The following GALNT17 variants were observed in gnomAD, a reference collection of about 807,000 sequenced individuals.
The protein encoded by GALNT17 is polypeptide N-acetylgalactosaminyltransferase 17, also known as UDP-GalNAc:polypeptide N-acetylgalactosaminyltransferase-like 3.
In GALNT17, 29 loss-of-function variants were observed where a neutral mutation model predicts 63.7. The observed-to-expected ratio is 0.46, with a 90% CI of 0.34 to 0.62. GALNT17 has a LOEUF of 0.62. Among genes scored for constraint, GALNT17 ranks in the 20% least tolerant of loss-of-function variants. The pLI is 0.01. For synonymous variants in GALNT17, 305 were observed against 318.3 expected (o/e 0.96, Z 0.45); for missense variants, 603 against 799.6 (o/e 0.75, Z 2.97).
At chr7:71,196,340 A>G (rs930618123) in intron 1 of GALNT17, among the ~76,000 whole-genome samples, 2 of 152,120 alleles carry the variant, frequency 1.3e-5, no homozygotes, top group Admixed American at 1.3e-4. Flanking sequence ...GGACTTCATC[A>G]TGTTGACCAT....
chr7:71,334,124 A>T (rs1205913160), intron 1 of GALNT17, among the ~76,000 whole-genome samples: 2 of 152,208 alleles, frequency 1.3e-5, no homozygotes, highest in African/African-American at 4.8e-5. Flanking sequence ...GGTGGAAATG[A>T]TTCTCAAGCA....
At chr7:71,584,903 C>T (rs939137730) in intron 6 of GALNT17, among the ~76,000 whole-genome samples, 25 of 152,108 alleles carry the variant, frequency 1.6e-4, no homozygotes, top group African/African-American at 5.8e-4. Flanking sequence ...TATAGGCGTC[C>T]GCCACCACGC....
chr7:71,267,537 T>A (rs951835752), intron 1 of GALNT17, among the ~76,000 whole-genome samples: 3 of 152,190 alleles, frequency 2.0e-5, no homozygotes, highest in African/African-American at 7.2e-5. Context: ...AGAAATGTGC[T>A]CTCCTTTGAG....
intron 5 of GALNT17, among the ~76,000 whole-genome samples, chr7:71,436,783 A>C (rs150029261): frequency 6.6e-6 from 1 of 152,174 alleles, no homozygotes; most frequent in African/African-American, 2.4e-5. Context: ...CGAGACCCCA[A>C]ATGCAAACTC....
intron 3 of GALNT17, among the ~76,000 whole-genome samples, chr7:71,395,888 A>G (rs1038547394): frequency 2.0e-5 from 3 of 152,168 alleles, no homozygotes; most frequent in South Asian, 2.1e-4. Flanking sequence ...TCATTAGTCT[A>G]TCTTCTTTGG....
intron 1 of GALNT17, among the ~76,000 whole-genome samples, chr7:71,292,655 G>C (rs7458075): frequency 1.5e-3 from 93 of 61,804 alleles, no homozygotes; most frequent in Admixed American, 4.7e-3. Flanking sequence ...GAGAGAGACA[G>C]AGAGAGAGAG....
At chr7:71,496,523 A>G (rs1270031536) in intron 5 of GALNT17, among the ~76,000 whole-genome samples, 1 of 152,198 alleles carries the variant, frequency 6.6e-6, no homozygotes, top group Non-Finnish European at 1.5e-5. Context: ...GACATCGTCC[A>G]GTGACATAGA....
intron 5 of GALNT17, among the ~76,000 whole-genome samples, chr7:71,476,249 G>A (rs1033192415): frequency 2.0e-5 from 3 of 152,200 alleles, no homozygotes; most frequent in South Asian, 2.1e-4. Flanking sequence ...GTGAGAGTGC[G>A]AAGGCACAAG....
At chr7:71,231,230 GTT>G (rs775354917) in intron 1 of GALNT17, among the ~76,000 whole-genome samples, 3 of 140,458 alleles carry the variant, frequency 2.1e-5, no homozygotes, top group Non-Finnish European at 1.6e-5. Context: ...TATTTTTGCT[GTT>G]TTTTTTTTTT....
In GALNT17 at chr7:71,507,732, G is replaced by A. The variant is rs573798419; in HGVS notation, c.963-63553G>A. On this transcript the variant is annotated intron_variant, in intron 5 of 10. Transcript: ENST00000333538. ...TGTTTATTACCTGTCAGGTAAAAGA[G>A]TGATCTAGAACACTGCACACTTGCC... 3.9e-4 allele frequency among the ~76,000 whole-genome samples: 59 copies of A among 152,332 alleles called. 1 individual carries two copies. In the South Asian group the frequency reaches 8.3e-3, roughly 21 times the overall value.
At chr7:71,649,579 A>G (rs1326360907) in intron 6 of GALNT17, among the ~76,000 whole-genome samples, 2 of 151,712 alleles carry the variant, frequency 1.3e-5, no homozygotes, top group African/African-American at 2.4e-5. Context: ...GGGTCTTCAG[A>G]TTGGTTAGCC....
At chr7:71,349,653 C>T (rs889537960) in intron 2 of GALNT17, among the ~76,000 whole-genome samples, 6 of 150,352 alleles carry the variant, frequency 4.0e-5, no homozygotes, top group East Asian at 2.0e-4. Flanking sequence ...TAAATAAATA[C>T]GAAATTGCTT....
intron 5 of GALNT17, among the ~76,000 whole-genome samples, chr7:71,543,017 G>C (rs1370995901): frequency 7.4e-6 from 1 of 135,032 alleles, no homozygotes; most frequent in African/African-American, 2.8e-5. Context: ...AGTAACTTTA[G>C]TGTTTAGTTT....
chr7:71,321,721 C>T (rs1416583903), intron 1 of GALNT17, among the ~76,000 whole-genome samples: 1 of 150,728 alleles, frequency 6.6e-6, no homozygotes, highest in Non-Finnish European at 1.5e-5. Context: ...AGTTCTCTTG[C>T]CTCAGCCTCT....
At chr7:71,283,132 A>C (rs762276390) in intron 1 of GALNT17, among the ~76,000 whole-genome samples, 1 of 128,620 alleles carries the variant, frequency 7.8e-6, no homozygotes, top group Non-Finnish European at 1.6e-5. Flanking sequence ...CCTAGGGTCA[A>C]GTGATCCTCC....
At chr7:71,581,959 G>A (rs531005233) in intron 6 of GALNT17, among the ~76,000 whole-genome samples, 306 of 152,276 alleles carry the variant, frequency 2.0e-3, no homozygotes, top group Middle Eastern at 0.014. Context: ...TGCTTAGGGT[G>A]TGGGCTGACT....
intron 2 of GALNT17, among the ~76,000 whole-genome samples, chr7:71,347,631 A>G (rs1049446201): frequency 1.4e-4 from 19 of 135,570 alleles, no homozygotes; most frequent in Middle Eastern, 4.0e-3. Flanking sequence ...CTTGTCCCCA[A>G]GCAGCACAGA....
chr7:71,408,680 C>T (rs1487548992), intron 3 of GALNT17, among the ~76,000 whole-genome samples: 1 of 151,962 alleles, frequency 6.6e-6, no homozygotes, highest in Non-Finnish European at 1.5e-5. Context: ...TTGAAACCAG[C>T]CCGGGTAACA....
chr7:71,670,061 T>C lies in GALNT17; in HGVS notation c.1356T>C (p.His452=). 2.5e-6 allele frequency: 4 copies of C among 1,614,140 alleles called. No individual in the cohort carries two copies. The highest frequency in any genetic ancestry group is 3.4e-6 in the Non-Finnish European group (4 of 1,180,022). Residue 452 remains histidine (H), a synonymous_variant, in exon 8 of 11, where the codon CAT becomes CAC. Transcript: ENST00000333538. ...KCKNFQWYLD[H]VYPEMRRYNN... ...AGAATTTCCAGTGGTACCTGGACCA[T>C]GTTTACCCAGAAATGAGAAGATACA... is the stretch of plus-strand genomic sequence containing the variant.
Sources: allele counts gnomAD v4.1 joint callset (sites outside exome capture counted in the v4.1 genomes callset), GRCh38; gene constraint gnomAD v4.1.1; transcripts MANE v1.5; gene names NCBI Gene and HGNC (gene_info 2026-07-23, HGNC 2026-07-21).